Variants in PCDHA6 observed in about 807,000 individuals in gnomAD.
PCDHA6 encodes the protein protocadherin alpha-6.
A neutral mutation model predicts 60.3 loss-of-function variants in PCDHA6; 55 were observed. That is an observed-to-expected ratio of 0.91 (90% CI 0.73 to 1.14). The LOEUF is 1.14. PCDHA6 is among the 50% of genes most tolerant of loss of function. The probability of loss-of-function intolerance (pLI) is 0.00; values close to 1 mark genes in which losing one functional copy is unlikely to be tolerated. For missense variants in PCDHA6, 1,327 were observed against 1,256.5 expected, an observed-to-expected ratio of 1.06 and a Z score of -0.85; for synonymous variants, 652 against 557.9, an observed-to-expected ratio of 1.17 and a Z score of -2.38.
intron 1 of PCDHA6, chr5:140,849,712 C>G (rs782768269): frequency 6.3e-7 from 1 of 1,598,502 alleles, no homozygotes; most frequent in Non-Finnish European, 8.6e-7. Context: ...AATTACTACT[C>G]GTTGGTGCTG....
rs1554132671 is a variant in PCDHA6, at chr5:140,830,251, G to T, written c.2160G>T (p.Ala720=). ...TCCTCACGCTACTGCTGTACACAGC[G>T]CTGCGGTGCTCGGCGCCACCCACCG... ...LLVLTLLLYT[A]LRCSAPPTEG... The change falls in exon 1 of 4, where the codon GCG becomes GCT. Residue 720 remains alanine, a synonymous_variant. Coordinates refer to ENST00000529310, the MANE Select transcript of PCDHA6 (RefSeq NM_018909.4). 1.2e-6 allele frequency: 2 copies of T among 1,613,772 alleles called. No individual in the cohort carries two copies. Among genetic ancestry groups the T allele is most frequent in the Admixed American group, 1.7e-5 (1 of 59,996 alleles).
Position 140,856,118 on chromosome 5 carries a change from G to A in PCDHA6, c.2394+25633G>A. On this transcript the variant is annotated intron_variant, in intron 1 of 3. Coordinates refer to ENST00000529310, the MANE Select transcript of PCDHA6 (RefSeq NM_018909.4). ...CTCGCTTCTTCTCCTCGCAGCCTGG[G>A]AGGTGGGGAGCGGCCAGCTCCACTA... 1.3e-6 allele frequency: 2 copies of A among 1,598,234 alleles called. 1 individual carries two copies. The highest frequency in any genetic ancestry group is 2.7e-5 in the African/African-American group (2 of 74,402).
intron 1 of PCDHA6, chr5:140,929,861 G>C (rs2086430114): frequency 6.5e-6 from 1 of 153,628 alleles, no homozygotes; most frequent in Admixed American, 6.5e-5. Context: ...AGTCAGAGAA[G>C]GCTTTGTGAT....
chr5:140,882,505 G>A (rs782409687), intron 1 of PCDHA6: 13 of 1,614,168 alleles, frequency 8.1e-6, no homozygotes, highest in South Asian at 2.2e-5. Flanking sequence ...AGGTAAATCT[G>A]CAGAATGGCA....
rs1771065522 is a variant in PCDHA6, at chr5:140,830,439, T to C, written c.2348T>C (p.Met783Thr). The change falls in exon 1 of 4, where the codon ATG becomes ACG. Residue 783 changes from methionine (M) to threonine (T), a missense_variant. Coordinates refer to ENST00000529310, the MANE Select transcript of PCDHA6 (RefSeq NM_018909.4). ...AGCCTTTCACCTTGTCCTATTATGA[T>C]GGGTAAGGCGGAGAATCAGGATTTA... The part of the protein sequence containing the change: ...SPSLSPCPIM[M>T]GKAENQDLNE... 3 of 1,611,042 alleles carry C rather than the reference T, an allele frequency of 1.9e-6. No individual in the cohort carries two copies. Among genetic ancestry groups the C allele is most frequent in the East Asian group, 4.5e-5 (2 of 44,792 alleles).
intron 1 of PCDHA6, among the ~76,000 whole-genome samples, chr5:140,912,283 A>G (rs1442282452): frequency 6.6e-6 from 1 of 152,104 alleles, no homozygotes; most frequent in Non-Finnish European, 1.5e-5. Flanking sequence ...ACCCAGGAAC[A>G]ATACTTTGCC....
chr5:140,871,527 G>A (rs537927360), intron 1 of PCDHA6: 3 of 1,531,844 alleles, frequency 2.0e-6, no homozygotes, highest in African/African-American at 2.8e-5. Context: ...CTATCAGGAA[G>A]TGTATGTGAA....
intron 1 of PCDHA6, chr5:140,849,147 G>A (rs2150431262): frequency 2.3e-6 from 3 of 1,282,624 alleles, no homozygotes; most frequent in South Asian, 2.7e-5. Context: ...CACCGATGGA[G>A]GCAAACCCGA....
In PCDHA6 at chr5:140,836,419, C is replaced by G. The variant is rs137976668; in HGVS notation, c.2394+5934C>G. 2.4e-4 allele frequency: 381 copies of G among 1,613,666 alleles called. 4 individuals are homozygous for G. The highest frequency in any genetic ancestry group is 2.7e-4 in the Non-Finnish European group (316 of 1,179,858). ...GAAAGCGGCCAGGCACCAAAGGCGTCGTCGCGGGCATCGTTGGGCATTGCA... is the reference window on the plus strand; with the variant it reads ...GAAAGCGGCCAGGCACCAAAGGCGTGGTCGCGGGCATCGTTGGGCATTGCA... On this transcript the variant is annotated intron_variant, in intron 1 of 3. Transcript: ENST00000529310.
intron 1 of PCDHA6, chr5:140,870,947 G>T: frequency 1.2e-6 from 2 of 1,613,700 alleles, no homozygotes; most frequent in Non-Finnish European, 1.7e-6. Context: ...CCGGCGGCGG[G>T]CGGCTCGCGC....
intron 1 of PCDHA6, among the ~76,000 whole-genome samples, chr5:140,888,270 GT>G (rs2061763105): frequency 6.6e-6 from 1 of 152,102 alleles, no homozygotes; most frequent in Non-Finnish European, 1.5e-5. Context: ...ATAAGAAACA[GT>G]TTTGTCCCCT....
At position 140,835,410 on chromosome 5, in the gene PCDHA6, G is replaced by A. The variant is rs17844309; in HGVS notation, c.2394+4925G>A. On this transcript the variant is annotated intron_variant, in intron 1 of 3. Coordinates refer to ENST00000529310, the MANE Select transcript of PCDHA6 (RefSeq NM_018909.4). The stretch of plus-strand genomic sequence containing the variant: ...TACAGTTCTTGTGGAAGTTGTGGAT[G>A]TAAATGACAATGCTCCACAGTTGAC... 13,977 of 1,613,956 alleles carry A rather than the reference G, an allele frequency of 8.7e-3. 157 individuals are homozygous for A. Among genetic ancestry groups the A allele is most frequent in the East Asian group, 0.056 (2,497 of 44,848 alleles).
chr5:140,880,836 A>G (rs1228476405), intron 1 of PCDHA6, among the ~76,000 whole-genome samples: 1 of 152,218 alleles, frequency 6.6e-6, no homozygotes, highest in Non-Finnish European at 1.5e-5. Context: ...GCATATTTTA[A>G]ATGGTTGACT....
intron 1 of PCDHA6, among the ~76,000 whole-genome samples, chr5:140,942,993 AT>A (rs1228666837): frequency 3.3e-5 from 5 of 152,166 alleles, no homozygotes; most frequent in African/African-American, 1.2e-4. Context: ...GTGGTGGCTC[AT>A]GCCTGTAATC....
rs557901977 is a variant in PCDHA6 at position 140,876,312 on chromosome 5, G to A, written c.2394+45827G>A. 4.3e-6 allele frequency: 7 copies of A among 1,614,036 alleles called. No individual in the cohort carries two copies. In the East Asian group the frequency reaches 1.6e-4, roughly 36 times the overall value. On this transcript the variant is annotated intron_variant, in intron 1 of 3. Coordinates refer to ENST00000529310, the MANE Select transcript of PCDHA6 (RefSeq NM_018909.4). ...GACTTAATGGAGAAATTTCCTATGG[G>A]ATCAAAATGATTTTGCCAGTGAGTG...
At chr5:140,968,684 G>A in intron 1 of PCDHA6, 1 of 1,614,140 alleles carries the variant, frequency 6.2e-7, no homozygotes, top group Non-Finnish European at 8.5e-7. Flanking sequence ...GCTGCACACA[G>A]GAGAAATTAG....
At chr5:140,840,678 T>G (rs1381034670) in intron 1 of PCDHA6, among the ~76,000 whole-genome samples, 1 of 152,018 alleles carries the variant, frequency 6.6e-6, no homozygotes, top group Non-Finnish European at 1.5e-5. Context: ...TTTTATTACT[T>G]TAGTAAATAA....
chr5:140,906,878 C>T (rs557095374), intron 1 of PCDHA6, among the ~76,000 whole-genome samples: 1 of 152,332 alleles, frequency 6.6e-6, no homozygotes, highest in East Asian at 1.9e-4. Context: ...AACACTGTAA[C>T]TTCCTTCTTA....
intron 1 of PCDHA6, among the ~76,000 whole-genome samples, chr5:140,972,533 T>C (rs2096540643): frequency 6.6e-6 from 1 of 152,134 alleles, no homozygotes; most frequent in African/African-American, 2.4e-5. Flanking sequence ...ATTTCATAAA[T>C]CACTTGTGCA....
Sources: allele counts gnomAD v4.1 joint callset (sites outside exome capture counted in the v4.1 genomes callset), GRCh38; gene constraint gnomAD v4.1.1; transcripts MANE v1.5; gene names NCBI Gene and HGNC (gene_info 2026-07-23, HGNC 2026-07-21).